The following TENM1 variants were observed in gnomAD, a reference collection of about 807,000 sequenced individuals.
TENM1 encodes the protein teneurin transmembrane protein 1, also known as teneurin-1.
A neutral mutation model predicts 174.8 loss-of-function variants in TENM1; 35 were observed. The ratio of observed to expected loss-of-function variants is 0.20; its 90% CI spans 0.15 to 0.27. TENM1 has a LOEUF of 0.27. Among genes scored for constraint, TENM1 ranks in the 10% least tolerant of loss-of-function variants. TENM1 has a pLI of 1.00. For synonymous variants in TENM1, 781 were observed against 798.7 expected (o/e 0.98, Z 0.37); for missense variants, 1,633 against 2,130.1 (o/e 0.77, Z 4.59).
At chrX:124,415,468 G>A (rs574454147) in intron 25 of TENM1, among the ~76,000 whole-genome samples, 6 of 111,126 alleles carry the variant, frequency 5.4e-5, no homozygotes, top group African/African-American at 2.0e-4. Context: ...GCTACTTGAG[G>A]GGAAACTTTC....
the TENM1 span, among the ~76,000 whole-genome samples, chrX:125,180,049 G>C: frequency 2.3e-5 from 2 of 87,049 alleles, no homozygotes; most frequent in Admixed American, 1.4e-4. Flanking sequence ...TCCTTCCCTA[G>C]AGCAGTGACT....
intron 11 of TENM1, among the ~76,000 whole-genome samples, chrX:124,571,628 A>C: frequency 8.9e-6 from 1 of 112,157 alleles, no homozygotes; most frequent in African/African-American, 3.2e-5. Flanking sequence ...GAATACAAAT[A>C]AACATTAAAG....
the TENM1 span, among the ~76,000 whole-genome samples, chrX:125,175,076 A>C: frequency 1.8e-5 from 2 of 111,767 alleles, no homozygotes; most frequent in Non-Finnish European, 3.8e-5. Context: ...CACACAGAGA[A>C]GTCTACATAA....
intron 11 of TENM1, among the ~76,000 whole-genome samples, chrX:124,623,797 C>T (rs747206729): frequency 4.5e-5 from 5 of 111,789 alleles, no homozygotes; most frequent in Non-Finnish European, 9.4e-5. Flanking sequence ...CACAGTGACA[C>T]ATGCCACTGT....
the TENM1 span, among the ~76,000 whole-genome samples, chrX:125,054,476 G>A: frequency 9.0e-6 from 1 of 110,758 alleles, no homozygotes; most frequent in East Asian, 2.8e-4. Context: ...TCTTGTTTGA[G>A]AGATACATTT....
At chrX:124,926,613 T>C (rs751491293) in intron 1 of TENM1, among the ~76,000 whole-genome samples, 9 of 111,875 alleles carry the variant, frequency 8.0e-5, no homozygotes, top group South Asian at 7.4e-4. Flanking sequence ...TGACCCATAA[T>C]AGGTGTTCAA....
chrX:125,121,585 G>A, the TENM1 span, among the ~76,000 whole-genome samples: 1 of 111,712 alleles, frequency 9.0e-6, no homozygotes, highest in South Asian at 3.7e-4. Context: ...TGGGGATGGG[G>A]TATGAGAAAA....
chrX:124,476,535 G>A (rs774702389), intron 22 of TENM1, among the ~76,000 whole-genome samples: 39 of 111,738 alleles, frequency 3.5e-4, no homozygotes, highest in Non-Finnish European at 6.8e-4. Context: ...GAGTTCTGGC[G>A]TCAGTTTGCC....
At chrX:125,018,392 T>C in the TENM1 span, among the ~76,000 whole-genome samples, 3 of 111,544 alleles carry the variant, frequency 2.7e-5, no homozygotes, top group Non-Finnish European at 3.8e-5. Flanking sequence ...TTTATGTTTT[T>C]TATACTATGT....
intron 3 of TENM1, among the ~76,000 whole-genome samples, chrX:124,795,178 ATGT>A (rs762627615): frequency 4.5e-5 from 5 of 112,192 alleles, no homozygotes; most frequent in Admixed American, 9.5e-5. Flanking sequence ...AGTGCCTAGC[ATGT>A]TGTTAAGTGC....
chrX:125,131,467 G>C, the TENM1 span, among the ~76,000 whole-genome samples: 1,475 of 111,733 alleles, frequency 0.013, 28 homozygotes, highest in African/African-American at 0.045. Context: ...TGTCCAAAAA[G>C]GATTAAATCC....
intron 11 of TENM1, among the ~76,000 whole-genome samples, chrX:124,585,685 T>G (rs1432988017): frequency 4.5e-5 from 5 of 110,248 alleles, no homozygotes; most frequent in Non-Finnish European, 9.5e-5. Flanking sequence ...ATAACTAAAA[T>G]TAGAGCAGAA....
rs186895988 is a variant in TENM1, at chrX:124,820,401, C to T, written c.535+73895G>A. On this transcript the variant is annotated intron_variant, in intron 3 of 31. Coordinates refer to ENST00000422452, the Ensembl canonical transcript of TENM1. ...CTCCAATTCAACTGATGAGTAGAGA[C>T]AGACATGAAAATAGCATCCAATTTA... 3.6e-5 allele frequency among the ~76,000 whole-genome samples: 4 copies of T among 111,618 alleles called. No homozygotes were observed. In the East Asian group the frequency reaches 1.1e-3, roughly 32 times the overall value.
the TENM1 span, among the ~76,000 whole-genome samples, chrX:125,012,961 G>T: frequency 8.9e-6 from 1 of 111,784 alleles, no homozygotes; most frequent in Admixed American, 9.6e-5. Flanking sequence ...TAATCAACCA[G>T]ATGTTTTTAA....
the TENM1 span, among the ~76,000 whole-genome samples, chrX:125,086,127 T>C: frequency 9.0e-6 from 1 of 110,972 alleles, no homozygotes; most frequent in Non-Finnish European, 1.9e-5. Flanking sequence ...CCTTTGCTTA[T>C]GATGTTTTAT....
chrX:124,407,237 A>G lies in TENM1; in HGVS notation c.4983-748T>C, dbSNP rs2060473812. Among the ~76,000 whole-genome samples the G allele has an allele frequency of 3.0e-5, 3 of 101,092 alleles. No individual in the cohort carries two copies. The Admixed American group carries it at 3.1e-4, about 11-fold the overall frequency. The allele number at this position is 101,092 out of a possible 115,157, so 87.8% of individuals were successfully genotyped here. A position where few individuals can be genotyped will look rare whatever the true frequency, so the allele number is the denominator to read the frequency against. ...CTTTTTCCAAAAAAAAAAAAAAAAA[A>G]ATCAGAATTATTGGCAATCTCACTG... On this transcript the variant is annotated intron_variant, in intron 25 of 31. Coordinates refer to ENST00000422452, the Ensembl canonical transcript of TENM1.
the TENM1 span, among the ~76,000 whole-genome samples, chrX:125,070,900 A>T: frequency 8.9e-6 from 1 of 111,876 alleles, no homozygotes; most frequent in Non-Finnish European, 1.9e-5. Context: ...CAGATGTATA[A>T]GAGAAGGGGT....
At chrX:124,398,096 C>A in intron 27 of TENM1, among the ~76,000 whole-genome samples, 1 of 108,926 alleles carries the variant, frequency 9.2e-6, no homozygotes, top group East Asian at 3.0e-4. Flanking sequence ...GGCGTGGTGG[C>A]AGGCGCCTGT....
At chrX:124,742,908 G>T (rs1454123560) in intron 3 of TENM1, among the ~76,000 whole-genome samples, 1 of 111,214 alleles carries the variant, frequency 9.0e-6, no homozygotes, top group African/African-American at 3.3e-5. Flanking sequence ...TCCTGAGGTT[G>T]CTTTTCTGAG....
Sources: gnomAD v4.1 joint callset for allele counts (sites outside exome capture counted in the v4.1 genomes callset) on GRCh38, gnomAD v4.1.1 for gene constraint, MANE v1.5 for transcripts, NCBI Gene and HGNC (gene_info 2026-07-23, HGNC 2026-07-21) for gene names.